NF2: variants seen among roughly 807,000 people sequenced by gnomAD.
The protein encoded by NF2 is merlin.
In NF2, 8 loss-of-function variants were observed where a neutral mutation model predicts 83.7. The observed-to-expected ratio is 0.10, with a 90% CI of 0.06 to 0.17. The LOEUF is 0.17. Ranked by LOEUF, NF2 falls within the 10% of genes least tolerant of loss-of-function variation. The probability of loss-of-function intolerance (pLI) is 1.00; values close to 1 mark genes in which losing one functional copy is unlikely to be tolerated. For synonymous variants in NF2, 266 were observed against 269.6 expected (o/e 0.99, Z 0.13); for missense variants, 533 against 744.4 (o/e 0.72, Z 3.31).
rs1487639837 is a variant in NF2 at position 29,698,267 on chromosome 22, C to G, written c.*3465C>G. On this transcript the variant is annotated 3_prime_UTR_variant, in exon 16 of 16. Coordinates refer to ENST00000338641, the MANE Select transcript of NF2 (RefSeq NM_000268.4). ...CTTGTAATTTTGGGGACAGGTTTCT[C>G]TCTTTCCCTCTCTTTTTTTTGTCAA... 4.4e-6 allele frequency: 1 copy of G among 227,586 alleles called. No homozygotes were observed. Among genetic ancestry groups the G allele is most frequent in the African/African-American group, 2.2e-5 (1 of 44,960 alleles). 14.1% of individuals were successfully genotyped at this position (227,586 alleles called of 1,614,324 possible). A position where few individuals can be genotyped will look rare whatever the true frequency, so the allele number is the denominator to read the frequency against.
In NF2 at chr22:29,616,815, T is replaced by C. The variant is rs567486437; in HGVS notation, c.114+12703T>C. Among the ~76,000 whole-genome samples, 6 of 152,222 alleles carry C rather than the reference T, an allele frequency of 3.9e-5. No homozygotes were observed. The East Asian group carries it at 1.2e-3, about 29-fold the overall frequency. ...ACACAAAAATAGGTGGTGGGTTGGATTTGTCCTGTGGGCCATAGTTTGCTG... is the reference window on the plus strand; with the variant it reads ...ACACAAAAATAGGTGGTGGGTTGGACTTGTCCTGTGGGCCATAGTTTGCTG... On this transcript the variant is annotated intron_variant, in intron 1 of 15. Transcript: ENST00000338641.
intron 8 of NF2, among the ~76,000 whole-genome samples, chr22:29,662,579 G>A (rs1424907028): frequency 2.6e-5 from 4 of 152,222 alleles, no homozygotes; most frequent in African/African-American, 9.6e-5. Flanking sequence ...GAAGAGACAT[G>A]ATGACAACAA....
At chr22:29,675,477 ATT>A (rs111997472) in intron 13 of NF2, among the ~76,000 whole-genome samples, 8 of 144,766 alleles carry the variant, frequency 5.5e-5, no homozygotes, top group African/African-American at 1.8e-4. Flanking sequence ...TCAGTTTGGC[ATT>A]TTTTTTTTTT....
At chr22:29,604,551 T>C (rs182853910) in intron 1 of NF2, among the ~76,000 whole-genome samples, 8 of 152,342 alleles carry the variant, frequency 5.3e-5, no homozygotes, top group African/African-American at 1.7e-4. Context: ...ATATAACATC[T>C]CATACTTACT....
Position 29,698,566 on chromosome 22 carries a change from TG to T in NF2, c.*3765del. ...TTCTGGGGAACGATTATAACTTAAA[TG>T]ATTGTTTTAATAAAAATTCTAAGCT... On this transcript the variant is annotated 3_prime_UTR_variant, in exon 16 of 16. Transcript: ENST00000338641. 5.4e-6 allele frequency: 1 copy of T among 186,714 alleles called. No individual in the cohort carries two copies. The highest frequency in any genetic ancestry group is 2.0e-4 in the South Asian group (1 of 5,116). The allele number at this position is 186,714 out of a possible 1,614,324, so 11.6% of individuals were successfully genotyped here. A position where few individuals can be genotyped will look rare whatever the true frequency, so the allele number is the denominator to read the frequency against.
Position 29,603,812 on chromosome 22 carries a change from C to A in NF2, c.-187C>A, listed in dbSNP as rs932030645. On this transcript the variant is annotated 5_prime_UTR_variant, in exon 1 of 16. Transcript: ENST00000338641. Reference sequence around the variant, plus strand: ...CGTCAGGGCCCGTCCCCCAACTCCCCTTTCCGCTCAGGCAGGGTCCTCGCG... The same window carrying A: ...CGTCAGGGCCCGTCCCCCAACTCCCATTTCCGCTCAGGCAGGGTCCTCGCG... 3.3e-5 allele frequency: 19 copies of A among 583,478 alleles called. No individual in the cohort carries two copies. The highest frequency in any genetic ancestry group is 5.1e-5 in the Non-Finnish European group (17 of 331,028). The allele number at this position is 583,478 out of a possible 1,614,324, so 36.1% of individuals were successfully genotyped here. A position where few individuals can be genotyped will look rare whatever the true frequency, so the allele number is the denominator to read the frequency against.
rs534745766 is a variant in NF2, at chr22:29,696,748, C to T, written c.*1946C>T. Reference sequence around the variant, plus strand: ...CTTCCTAGTGTGACCCAGCCAGGAGCGGAAGCTTCAGGCGTTTGTAAAGTG... The same window carrying T: ...CTTCCTAGTGTGACCCAGCCAGGAGTGGAAGCTTCAGGCGTTTGTAAAGTG... On this transcript the variant is annotated 3_prime_UTR_variant, in exon 16 of 16. Coordinates refer to ENST00000338641, the MANE Select transcript of NF2 (RefSeq NM_000268.4). 4 of 212,462 alleles carry T rather than the reference C, an allele frequency of 1.9e-5. No homozygotes were observed. The highest frequency in any genetic ancestry group is 4.6e-5 in the African/African-American group (2 of 43,760). 13.2% of individuals were successfully genotyped at this position (212,462 alleles called of 1,614,324 possible). A position where few individuals can be genotyped will look rare whatever the true frequency, so the allele number is the denominator to read the frequency against.
intron 3 of NF2, 92 bp from the exon 4 acceptor site, chr22:29,642,110 C>T (rs917642085): frequency 2.9e-6 from 3 of 1,052,226 alleles, no homozygotes. Context: ...TGGCAGCCCT[C>T]ATTAGAACGC....
chr22:29,604,395 TAA>T, intron 1 of NF2, among the ~76,000 whole-genome samples: 1 of 152,224 alleles, frequency 6.6e-6, no homozygotes, highest in Non-Finnish European at 1.5e-5. Context: ...GGCTTACGCT[TAA>T]AAGCTTGAAA....
chr22:29,649,606 G>A (rs916673688), intron 4 of NF2, among the ~76,000 whole-genome samples: 1 of 152,054 alleles, frequency 6.6e-6, no homozygotes, highest in Non-Finnish European at 1.5e-5. Flanking sequence ...GCCAGCTGTG[G>A]TGGCATATGC....
Position 29,636,676 on chromosome 22 carries a change from G to A in NF2, c.115-75G>A, listed in dbSNP as rs2146850035. 1 of 1,599,462 alleles carries A rather than the reference G, an allele frequency of 6.3e-7. No individual in the cohort carries two copies. Among genetic ancestry groups the A allele is most frequent in the Non-Finnish European group, 8.6e-7 (1 of 1,167,132 alleles). On this transcript the variant is annotated intron_variant, in intron 1 of 15. Transcript: ENST00000338641. This position sits in a 1 kb window ranked among gnomAD's most constrained non-coding sequence, Gnocchi z 4.4. Reference sequence around the variant, plus strand: ...CATCCCCACGTTTTGGAACCTGAGAGTGGAGAGTGCAGAGAAAAGGTTTTA... The same window carrying A: ...CATCCCCACGTTTTGGAACCTGAGAATGGAGAGTGCAGAGAAAAGGTTTTA...
rs2067546889 is a variant in NF2, at chr22:29,696,126, T to A, written c.*1324T>A. ...TCTCTCTCTGTCACCCAGGTGGGAG[T>A]GTGGTGGCACAATCTCGGCTCACTG... On this transcript the variant is annotated 3_prime_UTR_variant, in exon 16 of 16. Transcript: ENST00000338641. 4.8e-6 allele frequency: 1 copy of A among 206,916 alleles called. No homozygotes were observed. Among genetic ancestry groups the A allele is most frequent in the South Asian group, 2.0e-4 (1 of 4,894 alleles). 12.8% of individuals were successfully genotyped at this position (206,916 alleles called of 1,614,324 possible).
intron 1 of NF2, among the ~76,000 whole-genome samples, chr22:29,626,196 C>G (rs1377599625): frequency 2.0e-5 from 3 of 149,716 alleles, no homozygotes; most frequent in Non-Finnish European, 4.4e-5. Context: ...ACTCTGTCAC[C>G]AGGCTGGAGT....
intron 1 of NF2, among the ~76,000 whole-genome samples, chr22:29,616,182 T>C (rs1221478041): frequency 1.3e-5 from 2 of 151,970 alleles, no homozygotes; most frequent in Non-Finnish European, 2.9e-5. Flanking sequence ...GGGTAGAGGG[T>C]GTGATAGCTG....
At position 29,680,116 on chromosome 22, in the gene NF2, C is replaced by CT. The variant is rs770322634; in HGVS notation, c.1575-1310dup. ...TGCCCAAAGGCCCCACCTCCTGACA[C>CT]TTTTTTTTTTTTTGAGATGGAGTCT... On this transcript the variant is annotated intron_variant, in intron 14 of 15. Transcript: ENST00000338641. Among the ~76,000 whole-genome samples, 1,119 of 143,680 alleles carry CT rather than the reference C, an allele frequency of 7.8e-3. 37 individuals are homozygous for CT. The East Asian group carries it at 0.12, about 15-fold the overall frequency. The allele number at this position is 143,680 out of a possible 152,430, so 94.3% of individuals were successfully genotyped here.
At chr22:29,683,649 T>C (rs1178873081) in intron 15 of NF2, 1 of 1,083,454 alleles carries the variant, frequency 9.2e-7, no homozygotes, top group African/African-American at 1.6e-5. Flanking sequence ...GATATGTGAG[T>C]CCACGGGGAG....
chr22:29,624,778 C>T (rs940855106), intron 1 of NF2, among the ~76,000 whole-genome samples: 1 of 151,894 alleles, frequency 6.6e-6, no homozygotes, highest in African/African-American at 2.4e-5. Flanking sequence ...TCACCTTATG[C>T]CATGTTCTTG....
chr22:29,609,220 A>G (rs1323517615), intron 1 of NF2: 37 of 732,584 alleles, frequency 5.1e-5, no homozygotes, highest in South Asian at 4.4e-4. Flanking sequence ...GGGCTAATCA[A>G]CTAGGTATGA....
rs74623124 is a variant in NF2 at position 29,631,905 on chromosome 22, A to G, written c.115-4846A>G. 8.7e-3 allele frequency among the ~76,000 whole-genome samples: 1,326 copies of G among 152,302 alleles called. 16 individuals carry two copies. Among genetic ancestry groups the G allele is most frequent in the African/African-American group, 0.03 (1,229 of 41,548 alleles). ...ACAGTGCAGAGATTCATACCAATGG[A>G]GACAACCATCACTTATCTATATTCC... is the stretch of plus-strand genomic sequence containing the variant. On this transcript the variant is annotated intron_variant, in intron 1 of 15. Transcript: ENST00000338641.
Sources: gnomAD v4.1 joint callset for allele counts (sites outside exome capture counted in the v4.1 genomes callset) on GRCh38, gnomAD v4.1.1 for gene constraint, Gnocchi (gnomAD v3.1) non-coding constraint, MANE v1.5 for transcripts, NCBI Gene and HGNC (gene_info 2026-07-23, HGNC 2026-07-21) for gene names.